ACP4: variants seen among roughly 807,000 people sequenced by gnomAD.
ACP4 encodes acid phosphatase 4.
A neutral mutation model predicts 47.3 loss-of-function variants in ACP4; 49 were observed. That is an observed-to-expected ratio of 1.04 (90% CI 0.82 to 1.32). The LOEUF is 1.32. Among genes scored for constraint, ACP4 ranks in the 40% most tolerant of loss-of-function variants. The pLI is 0.00. For missense variants in ACP4, 594 were observed against 579.3 expected (o/e 1.03, Z -0.26); for synonymous variants, 299 against 265.3 (o/e 1.13, Z -1.23).
chr19:50,794,347 TG>T, intron 8 of ACP4, 109 bp from the exon 9 acceptor site: 1 of 1,464,938 alleles, frequency 6.8e-7, no homozygotes, highest in Non-Finnish European at 9.2e-7. Context: ...GGAGTAGCTT[TG>T]GGGGGTTGGT....
intron 6 of ACP4, chr19:50,793,374 G>C (rs2089526137): frequency 6.3e-6 from 2 of 315,862 alleles, no homozygotes; most frequent in Non-Finnish European, 1.2e-5. Context: ...AATTAGCCAG[G>C]AATGGTGGCA....
chr19:50,795,194 C>T lies in ACP4; in HGVS notation c.*36C>T. 1.3e-6 allele frequency: 2 copies of T among 1,495,524 alleles called. No individual in the cohort carries two copies. The highest frequency in any genetic ancestry group is 1.2e-5 in the South Asian group (1 of 80,544). 92.6% of individuals were successfully genotyped at this position (1,495,524 alleles called of 1,614,324 possible). A position where few individuals can be genotyped will look rare whatever the true frequency, so the allele number is the denominator to read the frequency against. ...AGGGCTTCCCTACCCCCAGCTGACA[C>T]TGGACCCCAACATGTATGCTCAGTA... On this transcript the variant is annotated 3_prime_UTR_variant, in exon 11 of 11. Coordinates refer to ENST00000270593, the MANE Select transcript of ACP4 (RefSeq NM_033068.3).
At position 50,795,026 on chromosome 19, in the gene ACP4, G is replaced by GC. The variant is rs762034900; in HGVS notation, c.1166-16dup. On this transcript the variant is annotated splice_polypyrimidine_tract_variant and intron_variant, in intron 10 of 10. Coordinates refer to ENST00000270593, the MANE Select transcript of ACP4 (RefSeq NM_033068.3). ...TGCCAAGTCCTGGCACTCACCCCCC[G>GC]CGTGTTCTCCCTGCAGCTCCAGTGG... The GC allele has an allele frequency of 1.9e-6, 3 of 1,612,452 alleles. No individual in the cohort carries two copies. The Admixed American group carries it at 5.0e-5, about 27-fold the overall frequency.
chr19:50,793,356 A>T (rs1220150238), intron 6 of ACP4: 4 of 266,336 alleles, frequency 1.5e-5, no homozygotes, highest in South Asian at 6.9e-5. Context: ...CTAAAAATAA[A>T]AAAAAAAAAT....
At chr19:50,794,022 T>C in intron 8 of ACP4, 52 bp downstream of exon 8, 3 of 1,601,246 alleles carry the variant, frequency 1.9e-6, no homozygotes, top group Non-Finnish European at 2.6e-6. Flanking sequence ...GGGATGAGGG[T>C]GACAGCGATT....
chr19:50,791,303 C>T (rs903599841), intron 3 of ACP4, among the ~76,000 whole-genome samples: 1 of 152,110 alleles, frequency 6.6e-6, no homozygotes, highest in African/African-American at 2.4e-5. Context: ...ACAGACAGTC[C>T]TCCTAACCTC....
intron 10 of ACP4, 33 bp downstream of exon 10, chr19:50,794,997 G>A (rs773566675): frequency 1.2e-6 from 2 of 1,613,166 alleles, no homozygotes; most frequent in East Asian, 4.5e-5. Flanking sequence ...TGGGAGTGGA[G>A]GGTTGCCAAG....
Position 50,790,471 on chromosome 19 carries a change from GC to G in ACP4, c.58del (p.Leu20TrpfsTer51). 1 of 1,572,904 alleles carries G rather than the reference GC, an allele frequency of 6.4e-7. No individual in the cohort carries two copies. On this transcript the variant is annotated frameshift_variant, in exon 1 of 11. Coordinates refer to ENST00000270593, the MANE Select transcript of ACP4 (RefSeq NM_033068.3). LOFTEE classifies it high-confidence loss of function. ...PAGPLLLLLL[L>X]VLPPRALPEG... ...CTGGACCTCTCCTGCTGCTGCTGCT[GC>G]TGGTGCTGCCACCCCGGGCCCTGCC... is the stretch of plus-strand genomic sequence containing the variant.
In ACP4 at chr19:50,791,730, G is replaced by A. The variant is rs2089509222; in HGVS notation, c.378G>A (p.Glu126=). The change falls in exon 4 of 11, where the codon GAG becomes GAA. Residue 126 remains glutamate, a synonymous_variant. Coordinates refer to ENST00000270593, the MANE Select transcript of ACP4 (RefSeq NM_033068.3). The part of the protein sequence containing the change: ...AQANLAGLFP[E]AAPGSPEARW... ...CCAACCTTGCCGGGCTGTTTCCCGA[G>A]GCTGCTCCAGGGAGCCCCGAGGCCC... 3.7e-6 allele frequency: 6 copies of A among 1,613,028 alleles called. No homozygotes were observed. In the South Asian group the frequency reaches 6.6e-5, roughly 18 times the overall value.
chr19:50,793,335 C>G, intron 6 of ACP4: 1 of 240,328 alleles, frequency 4.2e-6, no homozygotes, highest in Non-Finnish European at 8.2e-6. Context: ...CACGGTAAAA[C>G]CCCGTCTCTA....
At position 50,795,147 on chromosome 19, in the gene ACP4, G is replaced by A. The variant is rs950862315; in HGVS notation, c.1270G>A (p.Gly424Ser). The A allele has an allele frequency of 3.9e-6, 6 of 1,545,130 alleles. No homozygotes were observed. Among genetic ancestry groups the A allele is most frequent in the African/African-American group, 1.4e-5 (1 of 73,170 alleles). Residue 424 changes from glycine to serine, a missense_variant, in exon 11 of 11, where the codon GGC becomes AGC. By Grantham distance (56) the Gly-to-Ser change is moderately conservative. Transcript: ENST00000270593. ...ACCAGGGTGCCTGCGGGCCTTGGGG[G>A]GCCCCGTGTGAGCCAGAAACCAGGG... The part of the protein sequence containing the change: ...WRPGCLRALG[G>S]PV
Position 50,795,172 on chromosome 19 carries a change from G to C in ACP4, c.*14G>C, listed in dbSNP as rs1237782446. ...GGCCCCGTGTGAGCCAGAAACCAGG[G>C]CTTCCCTACCCCCAGCTGACACTGG... On this transcript the variant is annotated 3_prime_UTR_variant, in exon 11 of 11. Coordinates refer to ENST00000270593, the MANE Select transcript of ACP4 (RefSeq NM_033068.3). The C allele has an allele frequency of 9.8e-6, 15 of 1,529,706 alleles. 1 individual carries two copies. The Admixed American group carries it at 3.0e-4, about 30-fold the overall frequency. The allele number at this position is 1,529,706 out of a possible 1,614,324, so 94.8% of individuals were successfully genotyped here. A position where few individuals can be genotyped will look rare whatever the true frequency, so the allele number is the denominator to read the frequency against.
rs1322421175 is a variant in ACP4 at position 50,793,595 on chromosome 19, A to C, written c.646-89A>C. The C allele has an allele frequency of 2.0e-6, 3 of 1,536,256 alleles. No individual in the cohort carries two copies. In the Admixed American group the frequency reaches 5.7e-5, roughly 29 times the overall value. On this transcript the variant is annotated intron_variant, in intron 6 of 10. Transcript: ENST00000270593. ...AGATCCAGATCCGGCCCATGGGGGGACTCAGAAGAGCAGGGGGCAGCACAG... is the reference window on the plus strand; with the variant it reads ...AGATCCAGATCCGGCCCATGGGGGGCCTCAGAAGAGCAGGGGGCAGCACAG...
At chr19:50,794,391 A>T in intron 8 of ACP4, 66 bp from the exon 9 acceptor site, 1 of 1,591,988 alleles carries the variant, frequency 6.3e-7, no homozygotes, top group Non-Finnish European at 8.5e-7. Context: ...TGGATGCGCA[A>T]GTGTAGTGCT....
rs1224078996 is a variant in ACP4 at position 50,793,831 on chromosome 19, T to C, written c.778+15T>C. 6.2e-7 allele frequency: 1 copy of C among 1,614,048 alleles called. No individual in the cohort carries two copies. The highest frequency in any genetic ancestry group is 1.7e-5 in the Admixed American group (1 of 60,038). ...GCTGACAGGGGGTGAGGTGTGGGTCTGGGAGGCTGGGGTGCCTTCCTCTGG... is the reference window on the plus strand; with the variant it reads ...GCTGACAGGGGGTGAGGTGTGGGTCCGGGAGGCTGGGGTGCCTTCCTCTGG... On this transcript the variant is annotated intron_variant, in intron 7 of 10. Transcript: ENST00000270593.
chr19:50,792,513 A>C, intron 6 of ACP4, 176 bp downstream of exon 6: 1 of 635,976 alleles, frequency 1.6e-6, no homozygotes, highest in Non-Finnish European at 2.7e-6. Context: ...CGCTGTGAGG[A>C]TTCAAATGGG....
Position 50,794,486 on chromosome 19 carries a change from G to C in ACP4, c.891G>C (p.Gly297=), listed in dbSNP as rs766227523. Residue 297 remains glycine, a synonymous_variant, in exon 9 of 11, where the codon GGG becomes GGC. Transcript: ENST00000270593. ...AHDSTLLALQ[G]ALGLYDGHTP... ...ACAGCACCCTGCTGGCCCTCCAGGG[G>C]GCCCTGGGCCTCTATGATGGACACA... The C allele has an allele frequency of 6.2e-7, 1 of 1,613,454 alleles. No individual in the cohort carries two copies. Among genetic ancestry groups the C allele is most frequent in the Non-Finnish European group, 8.5e-7 (1 of 1,179,870 alleles).
At position 50,791,705 on chromosome 19, in the gene ACP4, C is replaced by T. The variant is rs1212826445; in HGVS notation, c.353C>T (p.Ala118Val). 6.2e-7 allele frequency: 1 copy of T among 1,613,230 alleles called. No individual in the cohort carries two copies. Among genetic ancestry groups the T allele is most frequent in the Non-Finnish European group, 8.5e-7 (1 of 1,179,938 alleles). Residue 118 changes from alanine (A) to valine (V), a missense_variant, in exon 4 of 11, where the codon GCC (alanine) becomes GTC (valine). Transcript: ENST00000270593. Reference protein sequence around the residue: ...DFDRTLESAQANLAGLFPEAA... With the variant: ...DFDRTLESAQVNLAGLFPEAA... ...GACCGCACGCTGGAGAGTGCCCAGG[C>T]CAACCTTGCCGGGCTGTTTCCCGAG...
chr19:50,791,788 G>T lies in ACP4; in HGVS notation c.436G>T (p.Val146Leu). Residue 146 changes from valine (V) to leucine (L), a missense_variant, in exon 4 of 11, where the codon GTG becomes TTG. Physicochemically the swap from Val to Leu is conservative, Grantham distance 32. Coordinates refer to ENST00000270593, the MANE Select transcript of ACP4 (RefSeq NM_033068.3). ...WRPIPVHTVP[V>L]AEDKLLRFPM... Reference sequence around the variant, plus strand: ...GCCGATCCCGGTGCACACGGTGCCCGTGGCTGAGGATAAGGTCAGGGGGCT... The same window carrying T: ...GCCGATCCCGGTGCACACGGTGCCCTTGGCTGAGGATAAGGTCAGGGGGCT... The T allele has an allele frequency of 6.2e-7, 1 of 1,607,686 alleles. No individual in the cohort carries two copies. Among genetic ancestry groups the T allele is most frequent in the Non-Finnish European group, 8.5e-7 (1 of 1,177,540 alleles).
Sources: allele counts gnomAD v4.1 joint callset (sites outside exome capture counted in the v4.1 genomes callset), GRCh38; gene constraint gnomAD v4.1.1; transcripts MANE v1.5; gene names NCBI Gene and HGNC (gene_info 2026-07-23, HGNC 2026-07-21).